Variants in FUT9 observed in about 807,000 individuals in gnomAD.
The protein encoded by FUT9 is 4-galactosyl-N-acetylglucosaminide 3-alpha-L-fucosyltransferase 9.
In FUT9, 15 loss-of-function variants were observed where a neutral mutation model predicts 29.7. The observed-to-expected ratio is 0.51, with a 90% CI of 0.34 to 0.78. The LOEUF (loss-of-function observed/expected upper bound fraction) is 0.78, where lower values mean the gene tolerates loss of function less well. Ranked by LOEUF, FUT9 falls within the 30% of genes least tolerant of loss-of-function variation. FUT9 has a pLI of 0.01. For missense variants in FUT9, 319 were observed against 425.4 expected (o/e 0.75, Z 2.20); for synonymous variants, 169 against 153.7 (o/e 1.10, Z -0.74).
At chr6:96,187,970 C>A (rs1773434587) in intron 2 of FUT9, among the ~76,000 whole-genome samples, 1 of 152,044 alleles carries the variant, frequency 6.6e-6, no homozygotes, top group Admixed American at 6.6e-5. Flanking sequence ...CATCATTAAT[C>A]CTTGATGTTC....
intron 2 of FUT9, among the ~76,000 whole-genome samples, chr6:96,174,136 A>G (rs1260284664): frequency 6.6e-6 from 1 of 152,114 alleles, no homozygotes; most frequent in Non-Finnish European, 1.5e-5. Flanking sequence ...TTCAAGCCCT[A>G]CTTTAGAAAT....
intron 2 of FUT9, among the ~76,000 whole-genome samples, chr6:96,162,922 T>A (rs1423630495): frequency 6.6e-6 from 1 of 152,196 alleles, no homozygotes; most frequent in Non-Finnish European, 1.5e-5. Flanking sequence ...GCCTTTCCTG[T>A]AGGCCAGATA....
At chr6:96,135,833 T>C (rs1338131941) in intron 2 of FUT9, among the ~76,000 whole-genome samples, 2 of 151,798 alleles carry the variant, frequency 1.3e-5, no homozygotes, top group Non-Finnish European at 1.5e-5. Context: ...TTTAAAAATA[T>C]AAAGTAGAAG....
intron 2 of FUT9, among the ~76,000 whole-genome samples, chr6:96,150,625 C>T (rs1772658404): frequency 6.6e-6 from 1 of 152,138 alleles, no homozygotes; most frequent in Non-Finnish European, 1.5e-5. Context: ...GTGATGCCAG[C>T]TCAGGCTCAA....
intron 2 of FUT9, among the ~76,000 whole-genome samples, chr6:96,193,839 G>A (rs1773566661): frequency 6.6e-6 from 1 of 152,188 alleles, no homozygotes; most frequent in South Asian, 2.1e-4. Context: ...TTAAGAGAAT[G>A]TGGCACATAT....
intron 1 of FUT9, among the ~76,000 whole-genome samples, chr6:96,031,197 C>T (rs539094374): frequency 1.3e-5 from 2 of 151,566 alleles, no homozygotes; most frequent in Non-Finnish European, 3.0e-5. Flanking sequence ...GGTTATTTCA[C>T]ATATTTTTAA....
In FUT9 at chr6:96,119,559, T is replaced by G. The variant is rs1158852108; in HGVS notation, c.-9+5432T>G. 3.3e-5 allele frequency among the ~76,000 whole-genome samples: 5 copies of G among 152,222 alleles called. No individual in the cohort carries two copies. In the East Asian group the frequency reaches 9.6e-4, roughly 29 times the overall value. Reference sequence around the variant, plus strand: ...AAATAATTATGTCTCACAAAAGCATTCATCATGTATTTTCTTAAATAACAA... The same window carrying G: ...AAATAATTATGTCTCACAAAAGCATGCATCATGTATTTTCTTAAATAACAA... On this transcript the variant is annotated intron_variant, in intron 2 of 2. Transcript: ENST00000302103.
Position 96,203,608 on chromosome 6 carries a change from G to A in FUT9, c.453G>A (p.Leu151=), listed in dbSNP as rs368301077. 1 of 1,613,850 alleles carries A rather than the reference G, an allele frequency of 6.2e-7. No individual in the cohort carries two copies. The highest frequency in any genetic ancestry group is 1.3e-5 in the African/African-American group (1 of 74,882). The change falls in exon 3 of 3, where the codon TTG becomes TTA. Residue 151 remains leucine, a synonymous_variant. Transcript: ENST00000302103. ...HTPQKSGIEH[L]FNLTLTYRRD... is the part of the protein sequence containing the mutation. ...CCCAAAAGAGTGGCATTGAGCACTT[G>A]TTTAACCTGACTCTGACTTACCGCC... is the stretch of plus-strand genomic sequence containing the variant.
At chr6:96,102,871 T>C (rs1267488785) in intron 1 of FUT9, among the ~76,000 whole-genome samples, 1 of 152,180 alleles carries the variant, frequency 6.6e-6, no homozygotes, top group Non-Finnish European at 1.5e-5. Flanking sequence ...TTTCCTCTCA[T>C]GCATCATGCT....
In FUT9 at chr6:96,116,017, G is replaced by C. The variant is rs1381943863; in HGVS notation, c.-9+1890G>C. Among the ~76,000 whole-genome samples, 12 of 152,170 alleles carry C rather than the reference G, an allele frequency of 7.9e-5. No homozygotes were observed. The South Asian group carries it at 2.5e-3, about 32-fold the overall frequency. The stretch of plus-strand genomic sequence containing the variant: ...CCATCAAACACATTCTTAAAAGAAT[G>C]AAAATATAGGCATCAGACTTGTAAA... On this transcript the variant is annotated intron_variant, in intron 2 of 2. Transcript: ENST00000302103.
At chr6:96,152,709 A>T (rs1167029301) in intron 2 of FUT9, among the ~76,000 whole-genome samples, 1 of 152,186 alleles carries the variant, frequency 6.6e-6, no homozygotes, top group Non-Finnish European at 1.5e-5. Context: ...CTATGTAGTC[A>T]TTTTGGACTA....
intron 1 of FUT9, among the ~76,000 whole-genome samples, chr6:96,064,819 CATTAGCT>C (rs1227302905): frequency 6.6e-6 from 1 of 152,048 alleles, no homozygotes; most frequent in Admixed American, 6.6e-5. Context: ...CCTCAGCCTG[CATTAGCT>C]ATTCTAGAAC....
At chr6:96,061,396 T>C (rs2127943969) in intron 1 of FUT9, among the ~76,000 whole-genome samples, 1 of 150,936 alleles carries the variant, frequency 6.6e-6, no homozygotes, top group South Asian at 2.1e-4. Context: ...TCTTTATTTG[T>C]TTTTAGTATT....
intron 1 of FUT9, among the ~76,000 whole-genome samples, chr6:96,108,830 T>C (rs1345196868): frequency 6.6e-6 from 1 of 152,096 alleles, no homozygotes; most frequent in Admixed American, 6.5e-5. Context: ...CACACACCGT[T>C]CATTTGTACA....
chr6:96,195,842 G>GA (rs1773614785), intron 2 of FUT9, among the ~76,000 whole-genome samples: 1 of 152,086 alleles, frequency 6.6e-6, no homozygotes, highest in African/African-American at 2.4e-5. Flanking sequence ...GCAGAATCCT[G>GA]TACTAATACT....
intron 2 of FUT9, among the ~76,000 whole-genome samples, chr6:96,158,650 T>A (rs1382733671): frequency 6.6e-6 from 1 of 152,114 alleles, no homozygotes; most frequent in East Asian, 1.9e-4. Context: ...GTTGTTTTAA[T>A]GATCAAGTAT....
intron 1 of FUT9, chr6:96,020,720 A>ATATT (rs1409907125): frequency 6.6e-6 from 1 of 152,092 alleles, no homozygotes; most frequent in East Asian, 1.9e-4. Context: ...GAACAACACT[A>ATATT]TATTATCTAA....
At chr6:96,115,795 C>T (rs1202746205) in intron 2 of FUT9, among the ~76,000 whole-genome samples, 2 of 152,052 alleles carry the variant, frequency 1.3e-5, no homozygotes, top group African/African-American at 2.4e-5. Context: ...TACAGAACCC[C>T]ATGTTTATGA....
At chr6:96,179,082 T>G (rs1023276984) in intron 2 of FUT9, among the ~76,000 whole-genome samples, 1 of 152,128 alleles carries the variant, frequency 6.6e-6, no homozygotes, top group Non-Finnish European at 1.5e-5. Flanking sequence ...GAAATTGTTA[T>G]AGCTGTAAAT....
Sources: allele counts gnomAD v4.1 joint callset (sites outside exome capture counted in the v4.1 genomes callset), GRCh38; gene constraint gnomAD v4.1.1; transcripts MANE v1.5; gene names NCBI Gene and HGNC (gene_info 2026-07-23, HGNC 2026-07-21).